The following KCNT2 variants were observed in gnomAD, a reference collection of about 807,000 sequenced individuals.
KCNT2 encodes potassium sodium-activated channel subfamily T member 2, also known as potassium channel subfamily T member 2.
A neutral mutation model predicts 153.8 loss-of-function variants in KCNT2; 67 were observed. The observed-to-expected ratio is 0.44, with a 90% CI of 0.36 to 0.53. KCNT2 has a LOEUF of 0.53. KCNT2 is among the 20% of genes least tolerant of loss of function. The pLI, the probability that KCNT2 is intolerant of heterozygous loss-of-function variation, is 0.00. For synonymous variants in KCNT2, 500 were observed against 458.8 expected (o/e 1.09, Z -1.15); for missense variants, 975 against 1,354.8 (o/e 0.72, Z 4.40).
intron 21 of KCNT2, among the ~76,000 whole-genome samples, chr1:196,308,930 G>A (rs74136508): frequency 0.02 from 3,099 of 151,968 alleles, 87 homozygotes; most frequent in African/African-American, 0.07. Flanking sequence ...TAATTATCAA[G>A]TTTTTACTAT....
intron 1 of KCNT2, among the ~76,000 whole-genome samples, chr1:196,508,302 T>C (rs1199067253): frequency 6.6e-6 from 1 of 151,712 alleles, no homozygotes; most frequent in Non-Finnish European, 1.5e-5. Flanking sequence ...ATTTTAACCT[T>C]TTATGAAAAA....
chr1:196,298,674 C>G (rs551260208), intron 22 of KCNT2, among the ~76,000 whole-genome samples: 2 of 151,744 alleles, frequency 1.3e-5, no homozygotes, highest in South Asian at 4.2e-4. Flanking sequence ...GCCCCAGCCC[C>G]TCTGCCCTCC....
chr1:196,236,191 A>C lies in KCNT2; in HGVS notation c.3212-121T>G, dbSNP rs543009008. 1.2e-5 allele frequency: 8 copies of C among 660,026 alleles called. No homozygotes were observed. The African/African-American group carries it at 1.5e-4, about 12-fold the overall frequency. The allele number at this position is 660,026 out of a possible 1,614,324, so 40.9% of individuals were successfully genotyped here. A position where few individuals can be genotyped will look rare whatever the true frequency, so the allele number is the denominator to read the frequency against. On this transcript the variant is annotated intron_variant, in intron 26 of 27. Coordinates refer to ENST00000294725, the MANE Select transcript of KCNT2 (RefSeq NM_198503.5). The stretch of plus-strand genomic sequence containing the variant: ...ACAAGAACTTGGTATAGTTTTGTCC[A>C]CAGCATGATTGTGCACATAAGTTTG...
intron 1 of KCNT2, among the ~76,000 whole-genome samples, chr1:196,506,393 A>G (rs1681147979): frequency 6.6e-6 from 1 of 152,178 alleles, no homozygotes; most frequent in East Asian, 1.9e-4. Flanking sequence ...TGGTTCATCT[A>G]TTTCAATTTG....
intron 12 of KCNT2, among the ~76,000 whole-genome samples, chr1:196,411,175 G>T (rs1672296702): frequency 6.8e-6 from 1 of 147,798 alleles, no homozygotes; most frequent in Non-Finnish European, 1.5e-5. Flanking sequence ...CTGTTGAAGA[G>T]ACTATCCTTT....
chr1:196,285,601 A>T, intron 23 of KCNT2, 56 bp downstream of exon 23: 1 of 1,109,670 alleles, frequency 9.0e-7, no homozygotes, highest in Non-Finnish European at 1.3e-6. Context: ...TCATTTAAAT[A>T]AAATCTAAAA....
intron 1 of KCNT2, among the ~76,000 whole-genome samples, chr1:196,558,405 T>G (rs930001618): frequency 3.5e-5 from 5 of 141,486 alleles, no homozygotes; most frequent in African/African-American, 7.5e-5. Flanking sequence ...GTGTGTGTGG[T>G]TTTTTGTTTC....
intron 14 of KCNT2, among the ~76,000 whole-genome samples, chr1:196,369,739 G>T (rs1668357460): frequency 1.3e-5 from 2 of 151,930 alleles, no homozygotes; most frequent in South Asian, 4.1e-4. Flanking sequence ...TGGACATTTG[G>T]GTTGGTTCCA....
At chr1:196,550,314 A>G (rs1439545190) in intron 1 of KCNT2, among the ~76,000 whole-genome samples, 2 of 151,906 alleles carry the variant, frequency 1.3e-5, no homozygotes, top group Non-Finnish European at 2.9e-5. Context: ...TTATTTGAAA[A>G]ATCAAACATT....
chr1:196,565,313 G>A (rs367924733), intron 1 of KCNT2, among the ~76,000 whole-genome samples: 102 of 151,970 alleles, frequency 6.7e-4, no homozygotes, highest in Middle Eastern at 3.4e-3. Context: ...AGAATGTGGA[G>A]AAAGGGGAAT....
intron 26 of KCNT2, among the ~76,000 whole-genome samples, chr1:196,243,978 G>T (rs560193769): frequency 6.6e-6 from 1 of 152,032 alleles, no homozygotes; most frequent in East Asian, 2.0e-4. Flanking sequence ...AAAGGACTTT[G>T]TGTTGCAACT....
intron 13 of KCNT2, among the ~76,000 whole-genome samples, chr1:196,390,921 A>C (rs1670434044): frequency 7.0e-6 from 1 of 142,638 alleles, no homozygotes; most frequent in African/African-American, 2.6e-5. Flanking sequence ...AAAAAAACAT[A>C]TGTTAGGAGA....
chr1:196,290,566 G>GTATA (rs746811423), intron 22 of KCNT2, among the ~76,000 whole-genome samples: 8 of 149,254 alleles, frequency 5.4e-5, no homozygotes, highest in African/African-American at 1.5e-4. Context: ...ATGTATAGGT[G>GTATA]TATATATATA....
intron 1 of KCNT2, among the ~76,000 whole-genome samples, chr1:196,493,272 A>G (rs1252687789): frequency 1.3e-5 from 2 of 151,134 alleles, no homozygotes; most frequent in Non-Finnish European, 2.9e-5. Context: ...CATTTTTCCT[A>G]ATATGGTAAC....
chr1:196,442,391 T>C lies in KCNT2; in HGVS notation c.639-12634A>G, dbSNP rs181821470. 2.2e-3 allele frequency among the ~76,000 whole-genome samples: 333 copies of C among 151,952 alleles called. 1 individual carries two copies. Among genetic ancestry groups the C allele is most frequent in the African/African-American group, 7.7e-3 (319 of 41,524 alleles). ...TACTATTAAGTGTCAGGCACAGTACTTAGTTTTGGCAAAGACACTGGTATG... is the reference window on the plus strand; with the variant it reads ...TACTATTAAGTGTCAGGCACAGTACCTAGTTTTGGCAAAGACACTGGTATG... On this transcript the variant is annotated intron_variant, in intron 8 of 27. Coordinates refer to ENST00000294725, the MANE Select transcript of KCNT2 (RefSeq NM_198503.5).
chr1:196,587,530 A>G lies in KCNT2; in HGVS notation c.95+20685T>C, dbSNP rs539661017. Among the ~76,000 whole-genome samples the G allele has an allele frequency of 6.8e-4, 103 of 152,184 alleles. No individual in the cohort carries two copies. The South Asian group carries it at 0.011, about 16-fold the overall frequency. ...AATTCACAAGATATTATCATTTATT[A>G]ACATTCCATATAATTATTCAGATAG... On this transcript the variant is annotated intron_variant, in intron 1 of 27. Coordinates refer to ENST00000294725, the MANE Select transcript of KCNT2 (RefSeq NM_198503.5).
chr1:196,568,753 G>C (rs1180854544), intron 1 of KCNT2, among the ~76,000 whole-genome samples: 2 of 147,914 alleles, frequency 1.4e-5, no homozygotes, highest in African/African-American at 5.0e-5. Flanking sequence ...CTGAGGCTGG[G>C]GACCCCTGGT....
chr1:196,340,389 A>G lies in KCNT2; in HGVS notation c.1735T>C (p.Tyr579His). The change falls in exon 16 of 28, where the codon TAT becomes CAT. Residue 579 changes from tyrosine to histidine, a missense_variant. This residue lies in a region of KCNT2 where 325 missense variants were observed against 388.1 expected (regional missense o/e 0.84). Coordinates refer to ENST00000294725, the MANE Select transcript of KCNT2 (RefSeq NM_198503.5). ...ACAGGTAATCTGGAAGGTCCATGAT[A>G]AAACGACCTGGACACATTGCTTTTT... ...QRKSNVSRSF[Y>H]HGPSRLPVHS... 6.2e-7 allele frequency: 1 copy of G among 1,612,596 alleles called. No individual in the cohort carries two copies. The highest frequency in any genetic ancestry group is 8.5e-7 in the Non-Finnish European group (1 of 1,179,064).
intron 14 of KCNT2, among the ~76,000 whole-genome samples, chr1:196,346,342 T>C (rs1347336599): frequency 6.6e-6 from 1 of 152,162 alleles, no homozygotes; most frequent in Non-Finnish European, 1.5e-5. Context: ...ATGATGAATG[T>C]ATTGAATTTA....
Sources: gnomAD v4.1 joint callset for allele counts (sites outside exome capture counted in the v4.1 genomes callset) on GRCh38, gnomAD v4.1.1 for gene constraint, gnomAD v4.1.1 regional missense constraint, MANE v1.5 for transcripts, NCBI Gene and HGNC (gene_info 2026-07-23, HGNC 2026-07-21) for gene names.